The following HYAL4 variants were observed in gnomAD, a reference collection of about 807,000 sequenced individuals.
The protein encoded by HYAL4 is hyaluronidase 4.
A neutral mutation model predicts 35.2 loss-of-function variants in HYAL4; 37 were observed. That is an observed-to-expected ratio of 1.05 (90% CI 0.81 to 1.38). HYAL4 has a LOEUF of 1.38. HYAL4 is among the 40% of genes most tolerant of loss of function. HYAL4 has a pLI of 0.00. For missense variants in HYAL4, 572 were observed against 572.4 expected, an observed-to-expected ratio of 1.00 and a Z score of 0.01; for synonymous variants, 198 against 203.2, an observed-to-expected ratio of 0.97 and a Z score of 0.22.
upstream of HYAL4, among the ~76,000 whole-genome samples, chr7:123,828,367 A>G (rs1018401283): frequency 1.3e-5 from 2 of 151,936 alleles, no homozygotes; most frequent in Non-Finnish European, 2.9e-5. Context: ...AATATCCTAC[A>G]TGATTATATA....
intron 2 of HYAL4, among the ~76,000 whole-genome samples, chr7:123,856,135 A>G (rs1806431186): frequency 6.6e-6 from 1 of 151,968 alleles, no homozygotes; most frequent in Non-Finnish European, 1.5e-5. Context: ...TCCTTGCATT[A>G]GATTAGAACA....
At chr7:123,869,323 T>A in intron 3 of HYAL4, 96 bp downstream of exon 3, 2 of 865,352 alleles carry the variant, frequency 2.3e-6, no homozygotes, top group Non-Finnish European at 3.5e-6. Context: ...TGATTTCAAT[T>A]AATGGTTTGT....
Position 123,869,102 on chromosome 7 carries a change from T to C in HYAL4, c.829T>C (p.Phe277Leu), listed in dbSNP as rs1249927553. 2 of 1,596,472 alleles carry C rather than the reference T, an allele frequency of 1.3e-6. No individual in the cohort carries two copies. Among genetic ancestry groups the C allele is most frequent in the East Asian group, 2.2e-5 (1 of 44,798 alleles). The change falls in exon 3 of 5, where the codon TTC becomes CTC. Residue 277 changes from phenylalanine (F) to leucine (L), a missense_variant. Coordinates refer to ENST00000223026, the MANE Select transcript of HYAL4 (RefSeq NM_012269.3). Reference sequence around the variant, plus strand: ...TGGAGACAGTGAAAACATTTTGCGCTTCTCCAAATTTCGGGTGCATGAATC... The same window carrying C: ...TGGAGACAGTGAAAACATTTTGCGCCTCTCCAAATTTCGGGTGCATGAATC... ...SLGDSENILR[F>L]SKFRVHESMR...
At chr7:123,842,715 CTCT>C, upstream of HYAL4, among the ~76,000 whole-genome samples, 1 of 152,056 alleles carries the variant, frequency 6.6e-6, no homozygotes, top group African/African-American at 2.4e-5. Context: ...GGATAGTTAG[CTCT>C]TCTTGTGGAA....
intron 1 of HYAL4, among the ~76,000 whole-genome samples, chr7:123,847,641 G>A (rs1806203689): frequency 6.6e-6 from 1 of 152,070 alleles, no homozygotes; most frequent in African/African-American, 2.4e-5. Flanking sequence ...AGCTGGGTAT[G>A]GTGGCATACG....
At chr7:123,788,585 T>G in the HYAL4 span, among the ~76,000 whole-genome samples, 1 of 152,224 alleles carries the variant, frequency 6.6e-6, no homozygotes, top group African/African-American at 2.4e-5. Context: ...CTTCACATAT[T>G]GTGAAGTTAC....
the HYAL4 span, among the ~76,000 whole-genome samples, chr7:123,804,017 G>C: frequency 6.6e-6 from 1 of 152,284 alleles, no homozygotes; most frequent in South Asian, 2.1e-4. Flanking sequence ...CACATAATAT[G>C]TAGGTTATTT....
the HYAL4 span, among the ~76,000 whole-genome samples, chr7:123,813,023 C>T: frequency 6.6e-6 from 1 of 152,082 alleles, no homozygotes; most frequent in Non-Finnish European, 1.5e-5. Context: ...GTACAGAGAG[C>T]ATACGACTTG....
intron 4 of HYAL4, 105 bp downstream of exon 4, chr7:123,874,955 A>G: frequency 1.4e-6 from 1 of 691,542 alleles, no homozygotes; most frequent in African/African-American, 1.8e-5. Context: ...TTTAGAATAA[A>G]TATTCCAAAT....
the HYAL4 span, among the ~76,000 whole-genome samples, chr7:123,812,308 T>C: frequency 1.3e-5 from 2 of 152,194 alleles, no homozygotes; most frequent in Non-Finnish European, 2.9e-5. Context: ...TGGAAAAATG[T>C]AGATCTAGTT....
At chr7:123,836,211 A>G (rs1805960976) in intron 1 of HYAL4, among the ~76,000 whole-genome samples, 1 of 152,130 alleles carries the variant, frequency 6.6e-6, no homozygotes, top group South Asian at 2.1e-4. Flanking sequence ...GTTGCTGTCT[A>G]TCTAATTTCT....
At chr7:123,813,968 T>G in the HYAL4 span, among the ~76,000 whole-genome samples, 311 of 152,344 alleles carry the variant, frequency 2.0e-3, 2 homozygotes, top group Admixed American at 7.5e-3. Flanking sequence ...ATATATTTTT[T>G]TCACATTTCA....
chr7:123,875,891 A>G, intron 4 of HYAL4: 1 of 379,322 alleles, frequency 2.6e-6, no homozygotes. Context: ...CAAGTCCATG[A>G]TGATCTGATA....
chr7:123,868,871 A>G lies in HYAL4; in HGVS notation c.598A>G (p.Lys200Glu). The G allele has an allele frequency of 6.2e-7, 1 of 1,614,228 alleles. No individual in the cohort carries two copies. Among genetic ancestry groups the G allele is most frequent in the South Asian group, 1.1e-5 (1 of 91,078 alleles). ...TFEESAKAFM[K>E]ETIKLGIKSR... ...TGAAGAAAGTGCAAAAGCTTTCATG[A>G]AGGAAACCATCAAATTGGGAATTAA... The change falls in exon 3 of 5, where the codon AAG becomes GAG. Residue 200 changes from lysine to glutamate, a missense_variant. Transcript: ENST00000223026.
upstream of HYAL4, among the ~76,000 whole-genome samples, chr7:123,843,138 G>A (rs901712284): frequency 2.6e-5 from 4 of 151,908 alleles, 1 homozygote; most frequent in African/African-American, 4.8e-5. Context: ...GGCTGGTGCC[G>A]GTTGTTTCTT....
chr7:123,875,282 A>C (rs973469411), intron 4 of HYAL4, among the ~76,000 whole-genome samples: 2 of 152,212 alleles, frequency 1.3e-5, no homozygotes, highest in African/African-American at 4.8e-5. Context: ...CTATTTTGAG[A>C]GGTAGAAACA....
intron 1 of HYAL4, among the ~76,000 whole-genome samples, chr7:123,831,464 C>T (rs1332531342): frequency 6.6e-6 from 1 of 152,134 alleles, no homozygotes; most frequent in Non-Finnish European, 1.5e-5. Flanking sequence ...AATATGATTG[C>T]TCCTTTGTTA....
At chr7:123,775,001 A>G in the HYAL4 span, among the ~76,000 whole-genome samples, 1 of 152,232 alleles carries the variant, frequency 6.6e-6, no homozygotes, top group Non-Finnish European at 1.5e-5. Context: ...GAAACTTAAG[A>G]GCAGGGAAAA....
intron 2 of HYAL4, among the ~76,000 whole-genome samples, chr7:123,856,753 G>C (rs1806446186): frequency 6.6e-6 from 1 of 152,192 alleles, no homozygotes; most frequent in African/African-American, 2.4e-5. Flanking sequence ...CCAGCAGGCA[G>C]GAACATTTAA....
Sources: gnomAD v4.1 joint callset for allele counts (sites outside exome capture counted in the v4.1 genomes callset) on GRCh38, gnomAD v4.1.1 for gene constraint, MANE v1.5 for transcripts, NCBI Gene and HGNC (gene_info 2026-07-23, HGNC 2026-07-21) for gene names.